Variants in ELF2 observed in about 807,000 individuals in gnomAD.
ELF2 encodes the protein ETS-related transcription factor Elf-2.
Under a neutral mutation model 54.8 loss-of-function variants are expected in ELF2, and 11 were observed. The observed-to-expected ratio is 0.20, with a 90% CI of 0.13 to 0.33. ELF2 has a LOEUF of 0.33. ELF2 is among the 10% of genes least tolerant of loss of function. The pLI, the probability that ELF2 is intolerant of heterozygous loss-of-function variation, is 1.00. For synonymous variants in ELF2, 203 were observed against 245.1 expected, an observed-to-expected ratio of 0.83 and a Z score of 1.61; for missense variants, 513 against 703.0, an observed-to-expected ratio of 0.73 and a Z score of 3.06.
chr4:139,093,800 C>A (rs749667659), intron 4 of ELF2, among the ~76,000 whole-genome samples: 4 of 152,006 alleles, frequency 2.6e-5, no homozygotes, highest in Non-Finnish European at 5.9e-5. Context: ...CAGATACATT[C>A]CCTTCAAGAT....
chr4:139,149,135 A>AGG (rs1739579863), intron 1 of ELF2, among the ~76,000 whole-genome samples: 2 of 152,250 alleles, frequency 1.3e-5, no homozygotes, highest in African/African-American at 4.8e-5. Flanking sequence ...AAAAGCAAAT[A>AGG]AACGGCATAG....
At chr4:139,164,720 T>C (rs890635402) in intron 1 of ELF2, among the ~76,000 whole-genome samples, 12 of 152,174 alleles carry the variant, frequency 7.9e-5, no homozygotes, top group African/African-American at 1.4e-4. Flanking sequence ...TTAGTAAAAA[T>C]TGCAAGAGGT....
chr4:139,070,043 T>C (rs542667022), intron 6 of ELF2, among the ~76,000 whole-genome samples: 3 of 151,290 alleles, frequency 2.0e-5, no homozygotes, highest in East Asian at 2.0e-4. Context: ...GGTCTCACTA[T>C]GTTGGCCCAG....
At position 139,060,297 on chromosome 4, in the gene ELF2, T is replaced by C. The variant is rs761840289; in HGVS notation, c.1157+27A>G. ...GAGACTTTTTTAAAAAGTAAATACA[T>C]TGTAACTAATGGTTTGCTTCACTTA... On this transcript the variant is annotated intron_variant, in intron 9 of 9. Transcript: ENST00000686138. 5.2e-6 allele frequency: 8 copies of C among 1,533,756 alleles called. No individual in the cohort carries two copies. In the African/African-American group the frequency reaches 8.3e-5, roughly 16 times the overall value.
At chr4:139,116,149 C>A (rs1560828936) in intron 4 of ELF2, among the ~76,000 whole-genome samples, 2 of 152,168 alleles carry the variant, frequency 1.3e-5, no homozygotes, top group Admixed American at 6.6e-5. Flanking sequence ...GTATTAAAAT[C>A]TTTTATCTAA....
chr4:139,128,246 G>T (rs893623584), intron 3 of ELF2, among the ~76,000 whole-genome samples: 1 of 151,508 alleles, frequency 6.6e-6, no homozygotes, highest in Middle Eastern at 3.4e-3. Context: ...TTGCACTCCA[G>T]CCTGGCAACT....
intron 1 of ELF2, among the ~76,000 whole-genome samples, chr4:139,151,953 GC>G (rs1296467786): frequency 1.3e-5 from 2 of 152,114 alleles, no homozygotes; most frequent in African/African-American, 4.8e-5. Flanking sequence ...TATCTTACTT[GC>G]TATTACACCA....
At chr4:139,061,809 G>T (rs1305485855) in intron 8 of ELF2, 56 bp downstream of exon 8, 22 of 1,581,350 alleles carry the variant, frequency 1.4e-5, no homozygotes, top group East Asian at 4.5e-5. Flanking sequence ...ACAGCTAATA[G>T]ACATATAAAG....
intron 4 of ELF2, chr4:139,115,277 G>C (rs962282027): frequency 6.9e-6 from 11 of 1,601,272 alleles, no homozygotes; most frequent in East Asian, 6.7e-5. Context: ...GTCCCGGGGG[G>C]GGCTCTGAAA....
intron 4 of ELF2, among the ~76,000 whole-genome samples, chr4:139,108,549 T>C (rs1218339801): frequency 6.6e-6 from 1 of 151,964 alleles, no homozygotes; most frequent in Non-Finnish European, 1.5e-5. Context: ...GCTCCATTGC[T>C]AACTAGCTCT....
intron 1 of ELF2, among the ~76,000 whole-genome samples, chr4:139,174,731 G>A (rs1742734783): frequency 6.6e-6 from 1 of 152,272 alleles, no homozygotes; most frequent in South Asian, 2.1e-4. Flanking sequence ...ATGTGGAGAT[G>A]ATTTAAAGCA....
intron 4 of ELF2, chr4:139,115,279 G>A (rs1390896957): frequency 1.9e-6 from 3 of 1,600,848 alleles, no homozygotes; most frequent in African/African-American, 1.3e-5. Flanking sequence ...CCCGGGGGGG[G>A]CTCTGAAAGT....
intron 4 of ELF2, among the ~76,000 whole-genome samples, chr4:139,087,453 G>A (rs1047463629): frequency 1.3e-5 from 2 of 151,992 alleles, no homozygotes; most frequent in African/African-American, 4.8e-5. Context: ...AGACAAACAC[G>A]TTTTTTTGTT....
chr4:139,115,354 C>A (rs1001597103), intron 4 of ELF2: 4 of 1,203,364 alleles, frequency 3.3e-6, no homozygotes, highest in South Asian at 6.1e-5. Context: ...CCGCGCCCCC[C>A]GCGGTGCCGC....
intron 4 of ELF2, among the ~76,000 whole-genome samples, chr4:139,085,887 G>A (rs1256874399): frequency 6.6e-6 from 1 of 152,052 alleles, no homozygotes; most frequent in African/African-American, 2.4e-5. Context: ...AGCTGTGATC[G>A]CACCACTGCA....
chr4:139,081,446 T>C (rs1399732250), intron 4 of ELF2, among the ~76,000 whole-genome samples: 2 of 152,170 alleles, frequency 1.3e-5, no homozygotes, highest in Admixed American at 1.3e-4. Flanking sequence ...AATATTAACC[T>C]AAAGCTTATC....
chr4:139,076,791 TG>T (rs1289170951), intron 4 of ELF2, among the ~76,000 whole-genome samples: 1 of 152,168 alleles, frequency 6.6e-6, no homozygotes, highest in Non-Finnish European at 1.5e-5. Flanking sequence ...TTATTAAAAT[TG>T]TTATGTCAAT....
chr4:139,138,031 AAGAG>A (rs1173086216), intron 2 of ELF2, among the ~76,000 whole-genome samples, 164 bp from the exon 3 acceptor site: 4 of 152,242 alleles, frequency 2.6e-5, no homozygotes, highest in African/African-American at 9.6e-5. Context: ...TCTGCTTCTT[AAGAG>A]TTAGTAATCA....
At chr4:139,091,058 C>G (rs903690455) in intron 4 of ELF2, among the ~76,000 whole-genome samples, 2 of 152,138 alleles carry the variant, frequency 1.3e-5, no homozygotes, top group Non-Finnish European at 2.9e-5. Context: ...CTCAGCCTCC[C>G]AAGTAGCTGG....
Sources: allele counts gnomAD v4.1 joint callset (sites outside exome capture counted in the v4.1 genomes callset), GRCh38; gene constraint gnomAD v4.1.1; transcripts MANE v1.5; gene names NCBI Gene and HGNC (gene_info 2026-07-23, HGNC 2026-07-21).